Variants in PRKCE observed in about 807,000 individuals in gnomAD.
PRKCE encodes the protein protein kinase C epsilon type.
In PRKCE, 16 loss-of-function variants were observed where a neutral mutation model predicts 85.4. That is an observed-to-expected ratio of 0.19 (90% confidence interval 0.13 to 0.28). PRKCE has a LOEUF of 0.28. PRKCE is among the 10% of genes least tolerant of loss of function. The pLI is 1.00. For missense variants in PRKCE, 573 were observed against 975.2 expected (o/e 0.59, Z 5.49); for synonymous variants, 388 against 371.5 (o/e 1.04, Z -0.51).
chr2:45,990,724 G>A (rs747685505), intron 6 of PRKCE, among the ~76,000 whole-genome samples: 1 of 149,122 alleles, frequency 6.7e-6, no homozygotes, highest in African/African-American at 2.5e-5. Flanking sequence ...ACATGATCTC[G>A]GCTCTCAGCT....
chr2:45,836,153 G>T (rs1383512595), intron 1 of PRKCE, among the ~76,000 whole-genome samples: 4 of 152,200 alleles, frequency 2.6e-5, no homozygotes, highest in Non-Finnish European at 1.5e-5. Context: ...GTAGAAATCT[G>T]TATTGAATCC....
chr2:45,746,900 G>T (rs1180947069), intron 1 of PRKCE, among the ~76,000 whole-genome samples: 3 of 152,030 alleles, frequency 2.0e-5, no homozygotes, highest in Non-Finnish European at 4.4e-5. Flanking sequence ...CCTTATCCCA[G>T]GCCTGGATGC....
intron 2 of PRKCE, among the ~76,000 whole-genome samples, chr2:45,918,423 C>T (rs550264791): frequency 2.0e-5 from 3 of 152,252 alleles, no homozygotes; most frequent in South Asian, 4.1e-4. Context: ...GGTCATTGTA[C>T]CAAACAATTT....
intron 1 of PRKCE, among the ~76,000 whole-genome samples, chr2:45,765,222 C>T (rs1684817838): frequency 6.6e-6 from 1 of 152,138 alleles, no homozygotes; most frequent in Non-Finnish European, 1.5e-5. Context: ...TCAGTGTTTC[C>T]TTTATTTTTG....
chr2:45,877,326 C>T (rs777974238), intron 2 of PRKCE, among the ~76,000 whole-genome samples: 96 of 151,932 alleles, frequency 6.3e-4, no homozygotes, highest in African/African-American at 2.2e-3. Context: ...TCTTAGAGTT[C>T]AGTGGACTTT....
At chr2:46,042,601 C>A (rs746774177) in intron 10 of PRKCE, among the ~76,000 whole-genome samples, 1 of 152,210 alleles carries the variant, frequency 6.6e-6, no homozygotes, top group Non-Finnish European at 1.5e-5. Context: ...ATCAGATAAA[C>A]CCCTCTTGGT....
chr2:45,682,421 A>G lies in PRKCE; in HGVS notation c.348+29973A>G, dbSNP rs187854957. 5.3e-5 allele frequency among the ~76,000 whole-genome samples: 8 copies of G among 151,788 alleles called. No individual in the cohort carries two copies. In the East Asian group the frequency reaches 9.6e-4, roughly 18 times the overall value. On this transcript the variant is annotated intron_variant, in intron 1 of 14. Transcript: ENST00000306156. ...CAGATAACTTTGAGATTCTAGTTTTATTTTTTATTTATTTATTTTTTTTGA... is the reference window on the plus strand; with the variant it reads ...CAGATAACTTTGAGATTCTAGTTTTGTTTTTTATTTATTTATTTTTTTTGA...
chr2:45,784,015 A>ACTC (rs1350130516), intron 1 of PRKCE, among the ~76,000 whole-genome samples: 1 of 152,140 alleles, frequency 6.6e-6, no homozygotes, highest in Non-Finnish European at 1.5e-5. Flanking sequence ...TCACACACAC[A>ACTC]CTCACCCACT....
rs1024560752 is a variant in PRKCE at position 46,041,533 on chromosome 2, A to G, written c.1437+31016A>G. Among the ~76,000 whole-genome samples, 1 of 152,220 alleles carries G rather than the reference A, an allele frequency of 6.6e-6. No individual in the cohort carries two copies. Among genetic ancestry groups the G allele is most frequent in the African/African-American group, 2.4e-5 (1 of 41,462 alleles). On this transcript the variant is annotated intron_variant, in intron 10 of 14. Coordinates refer to ENST00000306156, the MANE Select transcript of PRKCE (RefSeq NM_005400.3). This position sits in a 1 kb window ranked among gnomAD's most constrained non-coding sequence, Gnocchi z 5.5. ...GAAAGTTGCAGCATTTGCAGGAACT[A>G]TGGGAATCTCAGCACATAGTCTTAG...
At chr2:45,938,861 G>A (rs191772023) in intron 2 of PRKCE, among the ~76,000 whole-genome samples, 1 of 152,286 alleles carries the variant, frequency 6.6e-6, no homozygotes, top group Admixed American at 6.5e-5. Flanking sequence ...ACCCCTGAGG[G>A]CAGAGGCTGG....
intron 2 of PRKCE, among the ~76,000 whole-genome samples, chr2:45,954,635 T>G (rs1356256896): frequency 1.3e-5 from 2 of 152,322 alleles, no homozygotes; most frequent in East Asian, 3.9e-4. Context: ...TGTATAGAAT[T>G]TGTTTGATTA....
At chr2:45,797,380 A>AC (rs1687524103) in intron 1 of PRKCE, among the ~76,000 whole-genome samples, 7 of 152,250 alleles carry the variant, frequency 4.6e-5, no homozygotes, top group Admixed American at 4.6e-4. Context: ...GTAACCACAC[A>AC]CCCTGGTTTG....
chr2:46,095,303 A>T (rs1670576584), intron 11 of PRKCE, among the ~76,000 whole-genome samples: 1 of 152,190 alleles, frequency 6.6e-6, no homozygotes, highest in Non-Finnish European at 1.5e-5. Context: ...CATCGCAGGA[A>T]CCAAGTGAAG....
intron 8 of PRKCE, among the ~76,000 whole-genome samples, 169 bp from the exon 9 acceptor site, chr2:46,007,293 A>C (rs781752594): frequency 6.6e-6 from 1 of 152,194 alleles, no homozygotes; most frequent in East Asian, 1.9e-4. Context: ...TGCCAATAAG[A>C]GTGTGGTGAA....
intron 2 of PRKCE, among the ~76,000 whole-genome samples, chr2:45,937,968 C>A (rs1699597317): frequency 6.6e-6 from 1 of 152,198 alleles, no homozygotes; most frequent in Non-Finnish European, 1.5e-5. Flanking sequence ...ATTCGCCCTC[C>A]TTGCTGCCAT....
At chr2:45,800,368 G>A (rs549307947) in intron 1 of PRKCE, among the ~76,000 whole-genome samples, 4 of 152,236 alleles carry the variant, frequency 2.6e-5, no homozygotes, top group East Asian at 1.9e-4. Context: ...CATGCTGGGG[G>A]GTCTGACTCG....
intron 1 of PRKCE, among the ~76,000 whole-genome samples, chr2:45,835,745 C>G (rs1446613533): frequency 6.6e-6 from 1 of 152,048 alleles, no homozygotes; most frequent in South Asian, 2.1e-4. Context: ...CATGCACCAC[C>G]ATGCTCAGCT....
At chr2:46,071,796 C>T (rs973084743) in intron 10 of PRKCE, among the ~76,000 whole-genome samples, 1 of 152,220 alleles carries the variant, frequency 6.6e-6, no homozygotes, top group Admixed American at 6.5e-5. Context: ...AAAGCTTCCA[C>T]CCAGTCCTGA....
intron 10 of PRKCE, among the ~76,000 whole-genome samples, chr2:46,023,973 G>A (rs1294002603): frequency 1.3e-5 from 2 of 152,196 alleles, no homozygotes; most frequent in Admixed American, 1.3e-4. Context: ...AACCCTATGA[G>A]GTAGGACTGT....
Sources: allele counts gnomAD v4.1 joint callset (sites outside exome capture counted in the v4.1 genomes callset), GRCh38; gene constraint gnomAD v4.1.1; non-coding constraint Gnocchi (gnomAD v3.1); transcripts MANE v1.5; gene names NCBI Gene and HGNC (gene_info 2026-07-23, HGNC 2026-07-21).